Variants in MMP26 observed in about 807,000 individuals in gnomAD.
MMP26 encodes the protein matrix metallopeptidase 26.
Under a neutral mutation model 31.0 loss-of-function variants are expected in MMP26, and 33 were observed. The observed-to-expected ratio is 1.06, with a 90% CI of 0.81 to 1.42. MMP26 has a LOEUF of 1.42. Among genes scored for constraint, MMP26 ranks in the 40% most tolerant of loss-of-function variants. The pLI, the probability that MMP26 is intolerant of heterozygous loss-of-function variation, is 0.00. For synonymous variants in MMP26, 122 were observed against 114.9 expected (o/e 1.06, Z -0.40); for missense variants, 347 against 316.1 (o/e 1.10, Z -0.74).
intron 2 of MMP26, chr11:4,881,901 T>C: frequency 6.2e-7 from 1 of 1,610,878 alleles, no homozygotes; most frequent in Non-Finnish European, 8.5e-7. Flanking sequence ...CAACCAACCA[T>C]GGCAATATTC....
chr11:4,897,481 G>T (rs996099901), intron 2 of MMP26, among the ~76,000 whole-genome samples: 1 of 152,092 alleles, frequency 6.6e-6, no homozygotes, highest in African/African-American at 2.4e-5. Flanking sequence ...TGTAATTGGG[G>T]TCATACTATT....
intron 2 of MMP26, among the ~76,000 whole-genome samples, chr11:4,839,639 T>A (rs1849767763): frequency 1.3e-5 from 2 of 151,546 alleles, no homozygotes; most frequent in Admixed American, 6.6e-5. Flanking sequence ...TGGCAGCATT[T>A]ATCACCTGCT....
At chr11:4,706,585 A>T (rs1282153458) in intron 1 of MMP26, among the ~76,000 whole-genome samples, 1 of 145,146 alleles carries the variant, frequency 6.9e-6, no homozygotes, top group African/African-American at 2.7e-5. Flanking sequence ...CTCAAAAAAA[A>T]AAAAAAAAAA....
intron 2 of MMP26, among the ~76,000 whole-genome samples, chr11:4,936,209 G>T (rs1851438807): frequency 1.3e-5 from 2 of 148,554 alleles, no homozygotes; most frequent in African/African-American, 5.0e-5. Flanking sequence ...TCTGGTCCTG[G>T]ACTCTTTTTG....
intron 2 of MMP26, among the ~76,000 whole-genome samples, chr11:4,830,012 A>G (rs1233089562): frequency 6.6e-6 from 1 of 152,350 alleles, no homozygotes; most frequent in African/African-American, 2.4e-5. Flanking sequence ...CTCATTATTA[A>G]CAGACATTGA....
chr11:4,722,933 A>T, intron 1 of MMP26: 1 of 783,424 alleles, frequency 1.3e-6, no homozygotes, highest in Non-Finnish European at 2.3e-6. Flanking sequence ...ACCTGCATAG[A>T]CACTGGTGGT....
intron 2 of MMP26, among the ~76,000 whole-genome samples, chr11:4,775,922 T>C (rs575611599): frequency 2.0e-5 from 3 of 151,914 alleles, no homozygotes; most frequent in Non-Finnish European, 2.9e-5. Context: ...ACCTATTAAG[T>C]AATTTATTAT....
intron 2 of MMP26, among the ~76,000 whole-genome samples, chr11:4,815,465 G>T (rs1300281058): frequency 2.0e-5 from 3 of 151,944 alleles, no homozygotes; most frequent in African/African-American, 4.8e-5. Context: ...TGGGAGGCAG[G>T]TTTACCTGAC....
intron 2 of MMP26, among the ~76,000 whole-genome samples, chr11:4,853,323 A>T (rs930239398): frequency 4.6e-5 from 7 of 152,194 alleles, no homozygotes; most frequent in African/African-American, 1.4e-4. Context: ...TACATATATC[A>T]AAACATCATA....
intron 2 of MMP26, among the ~76,000 whole-genome samples, chr11:4,809,268 A>T (rs939255560): frequency 7.2e-5 from 11 of 152,214 alleles, no homozygotes; most frequent in Non-Finnish European, 8.8e-5. Context: ...ATAACTAAGG[A>T]CATAACACGT....
At chr11:4,800,601 A>G (rs979667053) in intron 2 of MMP26, among the ~76,000 whole-genome samples, 1 of 152,160 alleles carries the variant, frequency 6.6e-6, no homozygotes, top group Non-Finnish European at 1.5e-5. Context: ...CTTTATAGTC[A>G]TACTAATCTC....
intron 2 of MMP26, among the ~76,000 whole-genome samples, chr11:4,770,214 TG>T (rs932328002): frequency 6.6e-5 from 10 of 152,204 alleles, no homozygotes; most frequent in African/African-American, 2.4e-4. Context: ...TATATTAAGA[TG>T]CATCATATTG....
At chr11:4,712,447 A>G (rs1401873387) in intron 1 of MMP26, 1 of 152,174 alleles carries the variant, frequency 6.6e-6, no homozygotes, top group Non-Finnish European at 1.5e-5. Context: ...ACTTAATAAG[A>G]AAAATATAGC....
chr11:4,988,379 G>T, intron 3 of MMP26, 69 bp downstream of exon 3: 1 of 1,147,204 alleles, frequency 8.7e-7, no homozygotes, highest in Non-Finnish European at 1.3e-6. Context: ...GTGTGTGTGT[G>T]TATGTGTGAC....
intron 2 of MMP26, among the ~76,000 whole-genome samples, chr11:4,797,231 T>C (rs929424423): frequency 6.6e-6 from 1 of 152,068 alleles, no homozygotes; most frequent in African/African-American, 2.4e-5. Context: ...AGAAGACACA[T>C]TGAAGCATTC....
At chr11:4,957,322 T>C (rs1846457576) in intron 2 of MMP26, among the ~76,000 whole-genome samples, 1 of 152,204 alleles carries the variant, frequency 6.6e-6, no homozygotes, top group African/African-American at 2.4e-5. Context: ...AGAATATATT[T>C]GCAAATAAAA....
At chr11:4,722,622 G>A (rs1294284989) in intron 1 of MMP26, 2 of 619,392 alleles carry the variant, frequency 3.2e-6, no homozygotes, top group Middle Eastern at 4.4e-4. Context: ...TGAGGGCTAG[G>A]GCTGAGCCTC....
chr11:4,941,206 C>T (rs566906862), intron 2 of MMP26, among the ~76,000 whole-genome samples: 12 of 152,284 alleles, frequency 7.9e-5, no homozygotes, highest in South Asian at 4.1e-4. Context: ...TGTACATTTA[C>T]ACTACCTTTA....
chr11:4,837,961 ATAT>A (rs1211396526), intron 2 of MMP26, among the ~76,000 whole-genome samples: 1 of 151,644 alleles, frequency 6.6e-6, no homozygotes, highest in Non-Finnish European at 1.5e-5. Flanking sequence ...AAATTTTAAA[ATAT>A]TAGAGCAGTC....
Sources: gnomAD v4.1 joint callset for allele counts (sites outside exome capture counted in the v4.1 genomes callset) on GRCh38, gnomAD v4.1.1 for gene constraint, MANE v1.5 for transcripts, NCBI Gene and HGNC (gene_info 2026-07-23, HGNC 2026-07-21) for gene names.